Variants in FMO5 observed in about 807,000 individuals in gnomAD.
FMO5 encodes flavin-containing monooxygenase 5.
A neutral mutation model predicts 43.6 loss-of-function variants in FMO5; 51 were observed. That is an observed-to-expected ratio of 1.17 (90% confidence interval 0.93 to 1.48). The LOEUF (loss-of-function observed/expected upper bound fraction) is 1.48. Ranked by LOEUF, FMO5 falls within the 40% of genes most tolerant of loss-of-function variation. The pLI is 0.00. For synonymous variants in FMO5, 187 were observed against 216.5 expected, an observed-to-expected ratio of 0.86 and a Z score of 1.20; for missense variants, 644 against 643.0, an observed-to-expected ratio of 1.00 and a Z score of -0.02.
At chr1:147,213,945 C>T (rs1039449964) in intron 3 of FMO5, among the ~76,000 whole-genome samples, 2 of 152,132 alleles carry the variant, frequency 1.3e-5, no homozygotes, top group African/African-American at 4.8e-5. Flanking sequence ...AGAAAAACAC[C>T]TCAGTGGCTC....
chr1:147,186,702 A>G lies in FMO5; in HGVS notation c.*198T>C. On this transcript the variant is annotated 3_prime_UTR_variant, in exon 9 of 9. Coordinates refer to ENST00000254090, the MANE Select transcript of FMO5 (RefSeq NM_001461.4). The stretch of plus-strand genomic sequence containing the variant: ...TTACCACAAGGAAGAGTGACGGATC[A>G]TGAGTGGAAGGGAGATGAGTTAATA... 1 of 1,403,266 alleles carries G rather than the reference A, an allele frequency of 7.1e-7. No individual in the cohort carries two copies. Among genetic ancestry groups the G allele is most frequent in the Non-Finnish European group, 9.2e-7 (1 of 1,083,578 alleles). 86.9% of individuals were successfully genotyped at this position (1,403,266 alleles called of 1,614,324 possible). A position where few individuals can be genotyped will look rare whatever the true frequency, so the allele number is the denominator to read the frequency against.
At chr1:147,200,952 A>G (rs1203166602) in intron 7 of FMO5, among the ~76,000 whole-genome samples, 200 bp downstream of exon 7, 1 of 152,180 alleles carries the variant, frequency 6.6e-6, no homozygotes, top group Non-Finnish European at 1.5e-5. Context: ...ATAGCTTGGA[A>G]AAATTTCCCA....
chr1:147,187,705 G>A lies in FMO5; in HGVS notation c.1257-460C>T, dbSNP rs142043260. ...CAGGGCAGGACTTCCCAGGGCCAATGTTAATTTGGAATCCTGAAAGGATGA... is the reference window on the plus strand; with the variant it reads ...CAGGGCAGGACTTCCCAGGGCCAATATTAATTTGGAATCCTGAAAGGATGA... On this transcript the variant is annotated intron_variant, in intron 8 of 8. Coordinates refer to ENST00000254090, the MANE Select transcript of FMO5 (RefSeq NM_001461.4). Among the ~76,000 whole-genome samples the A allele has an allele frequency of 5.1e-3, 775 of 152,294 alleles. 6 individuals carry two copies. The highest frequency in any genetic ancestry group is 0.017 in the African/African-American group (686 of 41,560).
At position 147,202,554 on chromosome 1, in the gene FMO5, G is replaced by A. The variant is rs587611645; in HGVS notation, c.831-1050C>T. Among the ~76,000 whole-genome samples, 3 of 152,014 alleles carry A rather than the reference G, an allele frequency of 2.0e-5. No individual in the cohort carries two copies. The South Asian group carries it at 6.2e-4, about 32-fold the overall frequency. On this transcript the variant is annotated intron_variant, in intron 6 of 8. Transcript: ENST00000254090. Reference sequence around the variant, plus strand: ...AAGCTGGTCTCGAACTCCTGACCTCGTGATCCTCCCACTTCAGCCTCCCAA... The same window carrying A: ...AAGCTGGTCTCGAACTCCTGACCTCATGATCCTCCCACTTCAGCCTCCCAA...
At chr1:147,209,420 A>C (rs1168523470) in intron 5 of FMO5, among the ~76,000 whole-genome samples, 2 of 127,128 alleles carry the variant, frequency 1.6e-5, no homozygotes, top group Non-Finnish European at 3.2e-5. Flanking sequence ...CCTGGGCAAC[A>C]GAGTGAGACT....
intron 8 of FMO5, among the ~76,000 whole-genome samples, chr1:147,188,297 C>T (rs985732481): frequency 9.2e-5 from 14 of 151,848 alleles, no homozygotes; most frequent in African/African-American, 3.4e-4. Flanking sequence ...CCGAGGCAGG[C>T]GGATCACTTT....
chr1:147,189,533 T>TC (rs1656291724), intron 8 of FMO5, among the ~76,000 whole-genome samples: 1 of 152,150 alleles, frequency 6.6e-6, no homozygotes, highest in Non-Finnish European at 1.5e-5. Context: ...ATTGTGTCTC[T>TC]CAGTTTTCCA....
chr1:147,201,588 G>T, intron 6 of FMO5, 84 bp from the exon 7 acceptor site: 1 of 979,324 alleles, frequency 1.0e-6, no homozygotes, highest in African/African-American at 1.6e-5. Context: ...TTTGGTGGAG[G>T]TAAACAGGAT....
intron 8 of FMO5, 93 bp downstream of exon 8, chr1:147,190,084 G>A (rs1383276705): frequency 5.1e-6 from 4 of 784,756 alleles, no homozygotes; most frequent in African/African-American, 3.6e-5. Flanking sequence ...AAATCCTTAA[G>A]CTAACATGAG....
chr1:147,203,367 T>A, intron 6 of FMO5: 1 of 1,183,364 alleles, frequency 8.5e-7, no homozygotes, highest in Non-Finnish European at 1.3e-6. Flanking sequence ...CCACTCTAAG[T>A]ACAGTGACTG....
At chr1:147,193,198 G>T (rs1657246575) in intron 7 of FMO5, among the ~76,000 whole-genome samples, 1 of 152,110 alleles carries the variant, frequency 6.6e-6, no homozygotes, top group South Asian at 2.1e-4. Flanking sequence ...CCTGTTATTG[G>T]TCTATTCAGA....
downstream of FMO5, chr1:147,184,516 T>C: frequency 6.5e-7 from 1 of 1,548,154 alleles, no homozygotes; most frequent in Non-Finnish European, 8.7e-7. The surrounding 1 kb of genome is among the most constrained non-coding windows in gnomAD (Gnocchi z 4.4). Flanking sequence ...GCCCCTTTAT[T>C]CCGGGACAAT....
chr1:147,222,664 T>C (rs1279276066), intron 2 of FMO5, among the ~76,000 whole-genome samples: 46 of 152,278 alleles, frequency 3.0e-4, no homozygotes, highest in African/African-American at 1.1e-3. Flanking sequence ...GGAACAGAAG[T>C]CAGAGCGTTA....
rs1268379378 is a variant in FMO5, at chr1:147,208,881, A to G, written c.801T>C (p.His267=). The part of the protein sequence containing the change: ...LEKKINQRFD[H]EMFGLKPKHR... The stretch of plus-strand genomic sequence containing the variant: ...GTTTAGGCTTCAGGCCAAACATTTC[A>G]TGGTCAAACCTTTGGTTTATCTTTT... Residue 267 remains histidine, a synonymous_variant, in exon 6 of 9, where the codon CAT becomes CAC. Transcript: ENST00000254090. The G allele has an allele frequency of 5.0e-6, 8 of 1,613,960 alleles. No individual in the cohort carries two copies. In the African/African-American group the frequency reaches 9.3e-5, roughly 19 times the overall value.
At chr1:147,195,988 G>T (rs587649911) in intron 7 of FMO5, among the ~76,000 whole-genome samples, 1 of 152,170 alleles carries the variant, frequency 6.6e-6, no homozygotes, top group Admixed American at 6.5e-5. Context: ...TTGCACCACT[G>T]GACCAAGCTC....
downstream of FMO5, among the ~76,000 whole-genome samples, chr1:147,185,833 C>T (rs1157020922): frequency 6.6e-6 from 1 of 152,204 alleles, no homozygotes; most frequent in Admixed American, 6.5e-5. Flanking sequence ...ACAGAATCAT[C>T]AGTGGCACTG....
chr1:147,191,490 A>C (rs1553918458), intron 7 of FMO5, among the ~76,000 whole-genome samples: 1 of 151,958 alleles, frequency 6.6e-6, no homozygotes. Context: ...TTCTTTTGAG[A>C]AGTGTCTGTT....
downstream of FMO5, among the ~76,000 whole-genome samples, chr1:147,185,361 A>G (rs1455012499): frequency 6.6e-6 from 1 of 152,166 alleles, no homozygotes; most frequent in Non-Finnish European, 1.5e-5. Flanking sequence ...AAAAGAAATT[A>G]AAAGGAAGCA....
intron 7 of FMO5, among the ~76,000 whole-genome samples, chr1:147,198,867 A>AG (rs1338464958): frequency 6.7e-6 from 1 of 150,198 alleles, no homozygotes; most frequent in Non-Finnish European, 1.5e-5. Context: ...AAAAAAAAAA[A>AG]AAAAAAAAGA....
Sources: gnomAD v4.1 joint callset for allele counts (sites outside exome capture counted in the v4.1 genomes callset) on GRCh38, gnomAD v4.1.1 for gene constraint, Gnocchi (gnomAD v3.1) non-coding constraint, MANE v1.5 for transcripts, NCBI Gene and HGNC (gene_info 2026-07-23, HGNC 2026-07-21) for gene names.